The following CFAP20DC variants were observed in gnomAD, a reference collection of about 807,000 sequenced individuals.
The protein encoded by CFAP20DC is protein CFAP20DC.
CFAP20DC carries 84 observed loss-of-function variants against 101.7 expected under a neutral mutation model. The observed-to-expected ratio is 0.83, with a 90% confidence interval of 0.69 to 0.99. The LOEUF is 0.99. CFAP20DC is among the 50% of genes least tolerant of loss of function. The pLI, the probability that CFAP20DC is intolerant of heterozygous loss-of-function variation, is 0.00. For synonymous variants in CFAP20DC, 359 were observed against 351.2 expected, an observed-to-expected ratio of 1.02 and a Z score of -0.25; for missense variants, 1,007 against 970.3, an observed-to-expected ratio of 1.04 and a Z score of -0.50.
chr3:58,963,423 T>G lies in CFAP20DC; in HGVS notation c.279-25661A>C, dbSNP rs1016464705. On this transcript the variant is annotated intron_variant, in intron 4 of 16. Transcript: ENST00000482387. ...TTAACCTCTGTCTTATTTTCCAGTC[T>G]TTTGCTCAAATCACAAGAATACTTG... Among the ~76,000 whole-genome samples the G allele has an allele frequency of 9.2e-5, 14 of 152,214 alleles. No homozygotes were observed. In the East Asian group the frequency reaches 2.5e-3, roughly 27 times the overall value.
At position 58,879,207 on chromosome 3, in the gene CFAP20DC, G is replaced by A. The variant is rs188940151; in HGVS notation, c.715+5338C>T. 4.3e-3 allele frequency among the ~76,000 whole-genome samples: 647 copies of A among 152,204 alleles called. 2 individuals are homozygous for A. The highest frequency in any genetic ancestry group is 7.0e-3 in the Non-Finnish European group (473 of 67,998). On this transcript the variant is annotated intron_variant, in intron 7 of 16. Transcript: ENST00000482387. Reference sequence around the variant, plus strand: ...AGGTTTTGGATGTTCTCATCACCAAGAAACAATAAATGCTTAAGATGATGG... The same window carrying A: ...AGGTTTTGGATGTTCTCATCACCAAAAAACAATAAATGCTTAAGATGATGG...
chr3:58,833,839 T>C (rs1189648285), intron 13 of CFAP20DC, among the ~76,000 whole-genome samples: 1 of 152,148 alleles, frequency 6.6e-6, no homozygotes, highest in Non-Finnish European at 1.5e-5. Flanking sequence ...AACTGATGGA[T>C]GAGTTTTTGT....
At chr3:59,023,237 T>A (rs974215335) in intron 4 of CFAP20DC, among the ~76,000 whole-genome samples, 2 of 151,338 alleles carry the variant, frequency 1.3e-5, no homozygotes, top group Non-Finnish European at 2.9e-5. Flanking sequence ...TTCAGTACAA[T>A]ACAAAATAAC....
chr3:58,830,477 C>A (rs942732283), intron 14 of CFAP20DC, among the ~76,000 whole-genome samples: 4 of 152,122 alleles, frequency 2.6e-5, no homozygotes, highest in Admixed American at 2.6e-4. Flanking sequence ...AACTAGATAA[C>A]ATGTAAGGCA....
At chr3:58,931,512 G>C (rs901091906) in intron 5 of CFAP20DC, among the ~76,000 whole-genome samples, 7 of 151,542 alleles carry the variant, frequency 4.6e-5, no homozygotes, top group Non-Finnish European at 7.4e-5. Context: ...AGCCTAACTG[G>C]GAGGCACCCC....
chr3:59,021,140 A>T (rs1160192575), intron 4 of CFAP20DC, among the ~76,000 whole-genome samples: 1 of 152,028 alleles, frequency 6.6e-6, no homozygotes, highest in East Asian at 1.9e-4. Context: ...AAACCCAACC[A>T]TTCTAATCAG....
At chr3:58,886,030 T>C (rs571274846) in intron 6 of CFAP20DC, among the ~76,000 whole-genome samples, 1 of 152,168 alleles carries the variant, frequency 6.6e-6, no homozygotes, top group Non-Finnish European at 1.5e-5. Context: ...ACCTCTTTTA[T>C]AGTAAATATA....
At chr3:58,827,189 A>T (rs2076097262) in intron 14 of CFAP20DC, among the ~76,000 whole-genome samples, 1 of 152,112 alleles carries the variant, frequency 6.6e-6, no homozygotes, top group Non-Finnish European at 1.5e-5. Flanking sequence ...GGTTCGTCTC[A>T]ATTTTGCTGT....
Position 58,849,164 on chromosome 3 carries a change from C to G in CFAP20DC, c.1839G>C (p.Gly613=). Residue 613 remains glycine, a synonymous_variant, in exon 13 of 17, where the codon GGG becomes GGC. Transcript: ENST00000482387. ...CGGGCTCTGGAGTTTTCTGACAGGA[C>G]CCACACCTTCTTCCAGTTGGAGAAA... ...TCLSPTGRRC[G]SCQKTPEPVI... The G allele has an allele frequency of 6.5e-7, 1 of 1,535,856 alleles. No homozygotes were observed. The highest frequency in any genetic ancestry group is 8.7e-7 in the Non-Finnish European group (1 of 1,146,902).
At chr3:58,918,764 C>T (rs1250278502) in intron 5 of CFAP20DC, among the ~76,000 whole-genome samples, 2 of 152,086 alleles carry the variant, frequency 1.3e-5, no homozygotes, top group Non-Finnish European at 2.9e-5. Flanking sequence ...GTACTAGCCT[C>T]ACCACTTACT....
Position 58,812,000 on chromosome 3 carries a change from A to G in CFAP20DC, c.2176-5544T>C, listed in dbSNP as rs1314397277. On this transcript the variant is annotated intron_variant, in intron 14 of 16. Transcript: ENST00000482387. ...CAGAGAAATGCAAATCAAAACCACA[A>G]TGAGATACCATCTCACACCAGTTAG... is the stretch of plus-strand genomic sequence containing the variant. 5.9e-5 allele frequency among the ~76,000 whole-genome samples: 9 copies of G among 152,260 alleles called. No homozygotes were observed. In the South Asian group the frequency reaches 1.0e-3, roughly 18 times the overall value.
chr3:58,815,893 C>G (rs1194903112), intron 14 of CFAP20DC, among the ~76,000 whole-genome samples: 3 of 151,366 alleles, frequency 2.0e-5, no homozygotes, highest in Admixed American at 1.3e-4. Flanking sequence ...GAAATAGGAA[C>G]ACTTTTACAC....
intron 4 of CFAP20DC, among the ~76,000 whole-genome samples, chr3:59,022,910 T>C (rs1404765734): frequency 6.6e-6 from 1 of 152,074 alleles, no homozygotes; most frequent in Non-Finnish European, 1.5e-5. Context: ...CTTGAATATA[T>C]TTCAAGAAAT....
At chr3:58,951,130 T>G (rs1404398268) in intron 4 of CFAP20DC, among the ~76,000 whole-genome samples, 2 of 151,910 alleles carry the variant, frequency 1.3e-5, no homozygotes, top group African/African-American at 4.9e-5. Context: ...AGAAGACATT[T>G]ATGCAGCCAA....
chr3:58,979,117 A>C (rs1056612382), intron 4 of CFAP20DC, among the ~76,000 whole-genome samples: 19 of 152,178 alleles, frequency 1.2e-4, no homozygotes, highest in African/African-American at 4.3e-4. Flanking sequence ...ACTAGATGAT[A>C]TGTTCTGTCA....
chr3:58,937,501 C>G, intron 5 of CFAP20DC, 147 bp downstream of exon 5: 2 of 618,942 alleles, frequency 3.2e-6, no homozygotes, highest in East Asian at 2.7e-5. Flanking sequence ...TAAGCTCTTT[C>G]AAGAGAGGGG....
chr3:58,975,940 C>T (rs1032857976), intron 4 of CFAP20DC, among the ~76,000 whole-genome samples: 8 of 152,148 alleles, frequency 5.3e-5, no homozygotes, highest in African/African-American at 1.9e-4. Context: ...AACACTTTCA[C>T]ATGATTGTAT....
chr3:58,985,998 C>A (rs1321790922), intron 4 of CFAP20DC, among the ~76,000 whole-genome samples: 1 of 152,182 alleles, frequency 6.6e-6, no homozygotes, highest in African/African-American at 2.4e-5. Context: ...ATTCCCAGTT[C>A]AGCCTGTAAG....
chr3:58,755,002 C>A (rs940168119), intron 15 of CFAP20DC, among the ~76,000 whole-genome samples: 6 of 152,098 alleles, frequency 3.9e-5, no homozygotes, highest in Admixed American at 2.0e-4. Context: ...TGTGGACTTA[C>A]CTACAATGAT....
Sources: gnomAD v4.1 joint callset for allele counts (sites outside exome capture counted in the v4.1 genomes callset) on GRCh38, gnomAD v4.1.1 for gene constraint, MANE v1.5 for transcripts, NCBI Gene and HGNC (gene_info 2026-07-23, HGNC 2026-07-21) for gene names.